TENM1: variants seen among roughly 807,000 people sequenced by gnomAD.
TENM1 encodes the protein teneurin transmembrane protein 1.
Under a neutral mutation model 174.8 loss-of-function variants are expected in TENM1, and 35 were observed. The observed-to-expected ratio is 0.20, with a 90% CI of 0.15 to 0.27. TENM1 has a LOEUF of 0.27. TENM1 is among the 10% of genes least tolerant of loss of function. The pLI is 1.00. For missense variants in TENM1, 1,633 were observed against 2,130.1 expected (o/e 0.77, Z 4.59); for synonymous variants, 781 against 798.7 (o/e 0.98, Z 0.37).
intron 11 of TENM1, among the ~76,000 whole-genome samples, chrX:124,585,408 A>G (rs1324465536): frequency 3.6e-5 from 4 of 111,301 alleles, no homozygotes; most frequent in African/African-American, 1.3e-4. Flanking sequence ...AACTACATGG[A>G]AACTGAACAA....
rs867975716 is a variant in TENM1 at position 124,463,877 on chromosome X, G to A, written c.3950-10386C>T. On this transcript the variant is annotated intron_variant, in intron 22 of 31. Transcript: ENST00000422452. ...TGTGTGTGTGTGTGTGTGTGTGTGTGGAGAGAGAGAGAGAGAGATTGGGGT... is the reference window on the plus strand; with the variant it reads ...TGTGTGTGTGTGTGTGTGTGTGTGTAGAGAGAGAGAGAGAGAGATTGGGGT... Among the ~76,000 whole-genome samples the A allele has an allele frequency of 5.3e-4, 51 of 96,900 alleles. No individual in the cohort carries two copies. In the South Asian group the frequency reaches 8.6e-3, roughly 16 times the overall value. The allele number at this position is 96,900 out of a possible 115,157, so 84.1% of individuals were successfully genotyped here. A position where few individuals can be genotyped will look rare whatever the true frequency, so the allele number is the denominator to read the frequency against.
At chrX:125,159,968 G>A in the TENM1 span, among the ~76,000 whole-genome samples, 1 of 110,826 alleles carries the variant, frequency 9.0e-6, no homozygotes, top group African/African-American at 3.3e-5. Context: ...GGGAGGTGGA[G>A]GCCGGCAGAT....
chrX:125,136,685 T>A, the TENM1 span, among the ~76,000 whole-genome samples: 2 of 111,855 alleles, frequency 1.8e-5, no homozygotes, highest in African/African-American at 6.5e-5. Context: ...GGGTTCCATA[T>A]CTGCAGATTC....
At chrX:125,145,775 G>T in the TENM1 span, among the ~76,000 whole-genome samples, 1 of 112,064 alleles carries the variant, frequency 8.9e-6, no homozygotes, top group Non-Finnish European at 1.9e-5. Flanking sequence ...GAGTTAGTTT[G>T]ATCAAGGTTG....
intron 25 of TENM1, among the ~76,000 whole-genome samples, chrX:124,419,024 A>G (rs1228236397): frequency 8.9e-6 from 1 of 111,864 alleles, no homozygotes; most frequent in Non-Finnish European, 1.9e-5. Context: ...GGGATCAAAT[A>G]AAGTCACATA....
intron 11 of TENM1, among the ~76,000 whole-genome samples, chrX:124,572,751 C>T (rs2049083566): frequency 1.8e-5 from 2 of 109,859 alleles, no homozygotes. Flanking sequence ...AGAACACGTA[C>T]TTTTTTTTTC....
intron 24 of TENM1, among the ~76,000 whole-genome samples, chrX:124,421,614 CTT>C (rs34110361): frequency 1.2e-3 from 113 of 94,960 alleles, no homozygotes; most frequent in Middle Eastern, 5.6e-3. Context: ...GGAGAAGGCT[CTT>C]TTTTTTTTTT....
chrX:124,601,426 G>T (rs1378461706), intron 11 of TENM1, among the ~76,000 whole-genome samples: 1 of 110,911 alleles, frequency 9.0e-6, no homozygotes, highest in African/African-American at 3.3e-5. Context: ...GAGAGCCTGG[G>T]TGCAGATCCA....
At chrX:124,452,012 A>C (rs1201858150) in intron 23 of TENM1, among the ~76,000 whole-genome samples, 1 of 112,394 alleles carries the variant, frequency 8.9e-6, no homozygotes, top group Non-Finnish European at 1.9e-5. Flanking sequence ...AAAAGCCAAA[A>C]TTGACAAATG....
At chrX:124,386,545 A>G (rs780530659) in intron 28 of TENM1, among the ~76,000 whole-genome samples, 3 of 110,526 alleles carry the variant, frequency 2.7e-5, no homozygotes, top group Non-Finnish European at 3.8e-5. Context: ...TTTTCAGAGA[A>G]TGAGAGAAAT....
the TENM1 span, among the ~76,000 whole-genome samples, chrX:125,150,936 T>C: frequency 8.9e-6 from 1 of 112,544 alleles, no homozygotes; most frequent in Non-Finnish European, 1.9e-5. Flanking sequence ...AAAAGGCTTT[T>C]AGCAGTTCTC....
chrX:124,663,772 TAAAATGAGGATG>T (rs2051672603), intron 6 of TENM1, among the ~76,000 whole-genome samples: 1 of 105,325 alleles, frequency 9.5e-6, no homozygotes, highest in African/African-American at 3.5e-5. Context: ...TTTTTTTAAG[TAAAATGAGGATG>T]AAAATGAAAC....
At chrX:124,688,192 T>TTCCTCTCCTC (rs1205994764) in intron 5 of TENM1, among the ~76,000 whole-genome samples, 130 of 105,562 alleles carry the variant, frequency 1.2e-3, no homozygotes, top group Non-Finnish European at 1.7e-3. Context: ...TACTTCAAGA[T>TTCCTCTCCTC]TCCTCTCCTC....
chrX:124,542,676 T>C (rs762217074), intron 15 of TENM1, among the ~76,000 whole-genome samples: 26 of 111,314 alleles, frequency 2.3e-4, no homozygotes, highest in African/African-American at 7.2e-4. Context: ...TGTGGACTTT[T>C]TTCCTACTTT....
At chrX:125,149,154 A>AT in the TENM1 span, among the ~76,000 whole-genome samples, 10 of 89 alleles carry the variant, frequency 0.11, no homozygotes, top group Admixed American at 0.25. Flanking sequence ...TGACATGCAT[A>AT]TCAACAAGTC....
At chrX:124,965,982 C>A (rs1434145206), upstream of TENM1, among the ~76,000 whole-genome samples, 1 of 111,713 alleles carries the variant, frequency 9.0e-6, no homozygotes, top group Non-Finnish European at 1.9e-5. Context: ...TAATAGATGG[C>A]CACAAGGCTC....
Position 124,625,275 on chromosome X carries a change from A to G in TENM1, c.2077+16516T>C, listed in dbSNP as rs199701777. Among the ~76,000 whole-genome samples, 12 of 111,521 alleles carry G rather than the reference A, an allele frequency of 1.1e-4. No homozygotes were observed. The East Asian group carries it at 2.3e-3, about 21-fold the overall frequency. On this transcript the variant is annotated intron_variant, in intron 11 of 31. Transcript: ENST00000422452. Reference sequence around the variant, plus strand: ...ACTTTGGAAAGACTGATTTGTCCCAAAGATTAAATGGATAATATTTGTAAA... The same window carrying G: ...ACTTTGGAAAGACTGATTTGTCCCAGAGATTAAATGGATAATATTTGTAAA...
the TENM1 span, among the ~76,000 whole-genome samples, chrX:124,987,056 T>C: frequency 8.9e-6 from 1 of 111,819 alleles, no homozygotes; most frequent in African/African-American, 3.3e-5. Context: ...GGGTTCCTTA[T>C]ACATCCATGG....
intron 1 of TENM1, among the ~76,000 whole-genome samples, chrX:124,904,767 C>T (rs936004665): frequency 5.3e-5 from 6 of 112,159 alleles, no homozygotes; most frequent in African/African-American, 1.9e-4. Flanking sequence ...TGTTAAAATT[C>T]TTCAGAAATG....
Sources: allele counts gnomAD v4.1 joint callset (sites outside exome capture counted in the v4.1 genomes callset), GRCh38; gene constraint gnomAD v4.1.1; transcripts MANE v1.5; gene names NCBI Gene and HGNC (gene_info 2026-07-23, HGNC 2026-07-21).